The following PLD1 variants were observed in gnomAD, a reference collection of about 807,000 sequenced individuals.
The protein encoded by PLD1 is choline phosphatase 1.
A neutral mutation model predicts 137.1 loss-of-function variants in PLD1; 112 were observed. That is an observed-to-expected ratio of 0.82 (90% CI 0.70 to 0.96). The LOEUF (loss-of-function observed/expected upper bound fraction) is 0.96, where lower values mean the gene tolerates loss of function less well. Among genes scored for constraint, PLD1 ranks in the 40% least tolerant of loss-of-function variants. The probability of loss-of-function intolerance (pLI) is 0.00; values close to 1 mark genes in which losing one functional copy is unlikely to be tolerated. For missense variants in PLD1, 1,321 were observed against 1,342.0 expected (o/e 0.98, Z 0.24); for synonymous variants, 431 against 454.7 (o/e 0.95, Z 0.66).
chr3:171,768,538 C>T (rs1399128352), intron 1 of PLD1, among the ~76,000 whole-genome samples: 3 of 152,216 alleles, frequency 2.0e-5, no homozygotes, highest in Non-Finnish European at 4.4e-5. Context: ...GGAACTGGTC[C>T]ATCAGGTGAA....
Position 171,764,398 on chromosome 3 carries a change from G to A in PLD1, c.-31-26316C>T, listed in dbSNP as rs187054801. The stretch of plus-strand genomic sequence containing the variant: ...TTAATTCTTACAAGAACCCTCTAAG[G>A]TAAGTACAATTATTATCCCCATTTT... On this transcript the variant is annotated intron_variant, in intron 1 of 26. Transcript: ENST00000351298. Among the ~76,000 whole-genome samples, 3 of 152,208 alleles carry A rather than the reference G, an allele frequency of 2.0e-5. No homozygotes were observed. The East Asian group carries it at 5.8e-4, about 29-fold the overall frequency.
At chr3:171,696,775 A>G (rs1715732766) in intron 12 of PLD1, among the ~76,000 whole-genome samples, 2 of 152,096 alleles carry the variant, frequency 1.3e-5, no homozygotes, top group Non-Finnish European at 2.9e-5. Context: ...AGGAAGAGCA[A>G]CTCCGCTAAA....
intron 14 of PLD1, 124 bp downstream of exon 14, chr3:171,688,552 T>A (rs1024753540): frequency 3.6e-4 from 273 of 768,176 alleles, no homozygotes; most frequent in Non-Finnish European, 5.4e-4. Flanking sequence ...TGACTTAAAA[T>A]GTTCTTTTCC....
At chr3:171,735,879 G>T (rs56408987) in intron 3 of PLD1, among the ~76,000 whole-genome samples, 1 of 152,092 alleles carries the variant, frequency 6.6e-6, no homozygotes, top group Non-Finnish European at 1.5e-5. Context: ...TCCTACAAAC[G>T]CTGTTCCTCC....
At chr3:171,776,215 C>T (rs146076689) in intron 1 of PLD1, among the ~76,000 whole-genome samples, 106 of 152,198 alleles carry the variant, frequency 7.0e-4, no homozygotes, top group African/African-American at 2.2e-3. Context: ...CTGCAGCGGA[C>T]GGTGGTACCT....
intron 6 of PLD1, among the ~76,000 whole-genome samples, chr3:171,731,703 C>T (rs190491803): frequency 2.2e-4 from 33 of 151,822 alleles, no homozygotes; most frequent in Non-Finnish European, 3.5e-4. Context: ...ACCCGGGAGG[C>T]GGCGGTTGCA....
intron 19 of PLD1, among the ~76,000 whole-genome samples, chr3:171,669,200 G>A (rs1441575686): frequency 1.3e-5 from 2 of 152,122 alleles, no homozygotes; most frequent in Non-Finnish European, 2.9e-5. Context: ...CCAGTGGCGT[G>A]TGACCAATGT....
rs1733516867 is a variant in PLD1, at chr3:171,620,665, C to G, written c.2594-145G>C. 1.9e-5 allele frequency: 7 copies of G among 373,166 alleles called. No individual in the cohort carries two copies. In the East Asian group the frequency reaches 2.5e-4, roughly 13 times the overall value. 23.1% of individuals were successfully genotyped at this position (373,166 alleles called of 1,614,324 possible). ...TGTATATGTTTTCTATTTCAGAATT[C>G]ATCCAGGATTTATTTTTGATATCTG... On this transcript the variant is annotated intron_variant, in intron 23 of 26. Transcript: ENST00000351298.
chr3:171,691,476 T>C (rs76533019), intron 13 of PLD1, among the ~76,000 whole-genome samples: 26,856 of 152,120 alleles, frequency 0.18, 2,494 homozygotes, highest in South Asian at 0.24. Flanking sequence ...TAAATAGCTA[T>C]ATATTTGATT....
chr3:171,751,903 TG>T (rs1720690620), intron 1 of PLD1, among the ~76,000 whole-genome samples: 1 of 150,460 alleles, frequency 6.6e-6, no homozygotes, highest in Non-Finnish European at 1.5e-5. Flanking sequence ...TTTGGGAAGC[TG>T]GGGCAGGAGA....
intron 1 of PLD1, among the ~76,000 whole-genome samples, chr3:171,799,117 G>T (rs972680429): frequency 2.0e-5 from 3 of 152,128 alleles, no homozygotes; most frequent in Admixed American, 2.0e-4. Context: ...GAGGCAGGTG[G>T]ATCACAAGGT....
rs148607591 is a variant in PLD1, at chr3:171,639,848, CTA to C, written c.2593+2990_2593+2991del. Among the ~76,000 whole-genome samples the C allele has an allele frequency of 5.4e-3, 599 of 110,160 alleles. 13 individuals carry two copies. In the East Asian group the frequency reaches 0.068, roughly 13 times the overall value. 72.3% of individuals were successfully genotyped at this position (110,160 alleles called of 152,430 possible). ...TCTCTCTCTCTCTCTCTCTCTCTCTCTATATATATATATATATCTCCTATTGG... is the reference window on the plus strand; with the variant it reads ...TCTCTCTCTCTCTCTCTCTCTCTCTCTATATATATATATATCTCCTATTGG... On this transcript the variant is annotated intron_variant, in intron 23 of 26. Coordinates refer to ENST00000351298, the MANE Select transcript of PLD1 (RefSeq NM_002662.5).
intron 16 of PLD1, 41 bp from the exon 17 acceptor site, chr3:171,677,735 G>A: frequency 1.9e-6 from 3 of 1,593,992 alleles, no homozygotes; most frequent in Non-Finnish European, 2.6e-6. Context: ...TGTGGTTCAG[G>A]TGAGTCCCAG....
chr3:171,704,469 A>AAAAC (rs56084161), intron 11 of PLD1, among the ~76,000 whole-genome samples: 1,854 of 150,474 alleles, frequency 0.012, 45 homozygotes, highest in African/African-American at 0.044. Context: ...AAAAAAAAAA[A>AAAAC]AAAAAAAACC....
chr3:171,694,383 T>C (rs956944073), intron 12 of PLD1, among the ~76,000 whole-genome samples: 5 of 152,140 alleles, frequency 3.3e-5, no homozygotes, highest in African/African-American at 4.8e-5. Flanking sequence ...AGTAAAAGCA[T>C]AGGCAGAAAG....
intron 26 of PLD1, among the ~76,000 whole-genome samples, chr3:171,604,445 T>G (rs6785257): frequency 0.038 from 5,680 of 148,696 alleles, 366 homozygotes; most frequent in African/African-American, 0.13. Flanking sequence ...TTTTCCCTAA[T>G]TTTTTTTTTT....
intron 21 of PLD1, among the ~76,000 whole-genome samples, chr3:171,647,185 C>T (rs926510439): frequency 6.6e-6 from 1 of 152,142 alleles, no homozygotes; most frequent in Non-Finnish European, 1.5e-5. Flanking sequence ...CAATCAAAGA[C>T]CCTTGCACAT....
chr3:171,692,381 T>C lies in PLD1; in HGVS notation c.1289A>G (p.Asn430Ser), dbSNP rs1262993485. ...YKEVELALGINSEYTKRTLMR... is the reference protein window; with the variant it reads ...YKEVELALGISSEYTKRTLMR... The stretch of plus-strand genomic sequence containing the variant: ...CAAAGTCCTCTTGGTGTATTCACTA[T>C]TGATGCCAAGAGCGAGTTCCACCTC... The change falls in exon 13 of 27, where the codon AAT becomes AGT. Residue 430 changes from asparagine to serine, a missense_variant. By Grantham distance (46) the Asn-to-Ser change is conservative. Coordinates refer to ENST00000351298, the MANE Select transcript of PLD1 (RefSeq NM_002662.5). 1.2e-6 allele frequency: 2 copies of C among 1,603,842 alleles called. No homozygotes were observed. The highest frequency in any genetic ancestry group is 1.7e-6 in the Non-Finnish European group (2 of 1,170,556).
intron 16 of PLD1, 108 bp from the exon 17 acceptor site, chr3:171,677,802 ACACAACT>A: frequency 9.1e-7 from 1 of 1,092,932 alleles, no homozygotes; most frequent in Non-Finnish European, 1.3e-6. Context: ...ATTTCTTAAG[ACACAACT>A]AGGGTGGCAT....
Sources: allele counts gnomAD v4.1 joint callset (sites outside exome capture counted in the v4.1 genomes callset), GRCh38; gene constraint gnomAD v4.1.1; transcripts MANE v1.5; gene names NCBI Gene and HGNC (gene_info 2026-07-23, HGNC 2026-07-21).